GADL1: variants seen among roughly 807,000 people sequenced by gnomAD.
GADL1 encodes GAD like acidic amino acid decarboxylase 1, also known as acidic amino acid decarboxylase GADL1.
A neutral mutation model predicts 69.5 loss-of-function variants in GADL1; 71 were observed. The observed-to-expected ratio is 1.02, with a 90% CI of 0.84 to 1.25. The LOEUF is 1.25. GADL1 is among the 50% of genes most tolerant of loss of function. The pLI is 0.00. For synonymous variants in GADL1, 254 were observed against 214.4 expected (o/e 1.18, Z -1.62); for missense variants, 737 against 631.8 (o/e 1.17, Z -1.79).
rs1696789325 is a variant in GADL1 at position 30,786,365 on chromosome 3, A to G, written c.1292T>C (p.Leu431Ser). Residue 431 changes from leucine (L) to serine (S), a missense_variant, in exon 13 of 15, where the codon TTA (leucine) becomes TCA (serine). Transcript: ENST00000282538. Reference sequence around the variant, plus strand: ...TATGCAATCACTTACTTCCATCAGTAACTTGAATCCTTCTCTTTTCTTGAT... The same window carrying G: ...TATGCAATCACTTACTTCCATCAGTGACTTGAATCCTTCTCTTTTCTTGAT... ...DEIKKREGFK[L>S]LMEPEYANIC... 2 of 1,561,160 alleles carry G rather than the reference A, an allele frequency of 1.3e-6. No homozygotes were observed. The highest frequency in any genetic ancestry group is 1.8e-6 in the Non-Finnish European group (2 of 1,133,084).
At chr3:30,803,132 T>G (rs1575212838) in intron 11 of GADL1, among the ~76,000 whole-genome samples, 2 of 152,310 alleles carry the variant, frequency 1.3e-5, no homozygotes, top group South Asian at 4.1e-4. Context: ...GCCTTCAGCC[T>G]GGTTCTGATG....
intron 3 of GADL1, among the ~76,000 whole-genome samples, chr3:30,856,576 T>C (rs1218206134): frequency 6.6e-6 from 1 of 152,094 alleles, no homozygotes; most frequent in East Asian, 1.9e-4. Context: ...ATCAGTGTCT[T>C]CCAAATAAAT....
At chr3:30,793,598 G>A (rs549386249) in intron 12 of GADL1, among the ~76,000 whole-genome samples, 37 of 152,244 alleles carry the variant, frequency 2.4e-4, no homozygotes, top group African/African-American at 7.5e-4. Context: ...CTACTGTGGG[G>A]TAAGAACATA....
intron 1 of GADL1, among the ~76,000 whole-genome samples, chr3:30,884,266 G>A (rs1003632403): frequency 2.0e-5 from 3 of 151,992 alleles, no homozygotes; most frequent in Non-Finnish European, 2.9e-5. Context: ...GCTGGGGAAG[G>A]AAGATGCCTT....
At chr3:30,888,207 A>G (rs1207029458) in intron 1 of GADL1, among the ~76,000 whole-genome samples, 1 of 152,186 alleles carries the variant, frequency 6.6e-6, no homozygotes, top group Non-Finnish European at 1.5e-5. Context: ...GGCCAACTGT[A>G]CTATCAAAAT....
intron 1 of GADL1, among the ~76,000 whole-genome samples, chr3:30,880,265 T>C (rs1053170364): frequency 1.3e-5 from 2 of 151,924 alleles, no homozygotes; most frequent in Non-Finnish European, 2.9e-5. Flanking sequence ...CTAGAGATGA[T>C]TTACGTATAC....
intron 14 of GADL1, among the ~76,000 whole-genome samples, chr3:30,728,836 C>T (rs1695410367): frequency 2.0e-5 from 3 of 152,074 alleles, no homozygotes; most frequent in Admixed American, 2.0e-4. Context: ...AACTAAAAAA[C>T]ACCCCAGTTC....
intron 3 of GADL1, 123 bp downstream of exon 3, chr3:30,856,892 A>T (rs1698237333): frequency 2.7e-6 from 2 of 746,264 alleles, no homozygotes; most frequent in African/African-American, 3.6e-5. Flanking sequence ...AAACATCAGA[A>T]CTACTAATTT....
At chr3:30,775,527 G>GA (rs1234560839) in intron 14 of GADL1, among the ~76,000 whole-genome samples, 3 of 152,054 alleles carry the variant, frequency 2.0e-5, no homozygotes, top group Non-Finnish European at 4.4e-5. Flanking sequence ...AGAATGATAG[G>GA]AAATTAAGAA....
chr3:30,769,776 G>GTC (rs1696375446), intron 14 of GADL1, among the ~76,000 whole-genome samples: 1 of 152,170 alleles, frequency 6.6e-6, no homozygotes, highest in Non-Finnish European at 1.5e-5. Flanking sequence ...CTGACAGTAT[G>GTC]AGACCGTTAT....
chr3:30,891,416 T>C (rs1164517831), intron 1 of GADL1, among the ~76,000 whole-genome samples: 1 of 152,104 alleles, frequency 6.6e-6, no homozygotes, highest in African/African-American at 2.4e-5. Context: ...GCTACTGTCA[T>C]TTCAAGGAAC....
intron 14 of GADL1, among the ~76,000 whole-genome samples, chr3:30,760,885 G>T (rs1696110397): frequency 6.6e-6 from 1 of 152,130 alleles, no homozygotes; most frequent in African/African-American, 2.4e-5. Context: ...TGGTAGAAAG[G>T]AAAGGACATA....
intron 11 of GADL1, among the ~76,000 whole-genome samples, chr3:30,827,629 G>A (rs1416886126): frequency 6.6e-6 from 1 of 151,840 alleles, no homozygotes; most frequent in African/African-American, 2.4e-5. Flanking sequence ...AAATGACAGA[G>A]GTGTTTGTGA....
intron 1 of GADL1, among the ~76,000 whole-genome samples, chr3:30,885,501 C>T (rs1698691321): frequency 1.3e-5 from 2 of 151,978 alleles, no homozygotes; most frequent in African/African-American, 4.8e-5. Context: ...GTTTTGTTTT[C>T]TTTTTGACAG....
intron 12 of GADL1, among the ~76,000 whole-genome samples, chr3:30,793,132 A>G (rs1696956920): frequency 6.6e-6 from 1 of 152,130 alleles, no homozygotes; most frequent in Admixed American, 6.6e-5. Context: ...CCATGGAACT[A>G]TTTTTTGAGG....
intron 4 of GADL1, among the ~76,000 whole-genome samples, chr3:30,851,177 C>T (rs376013858): frequency 2.0e-5 from 3 of 152,222 alleles, no homozygotes; most frequent in East Asian, 1.9e-4. Flanking sequence ...AGCAGTCTTT[C>T]GAGAAAAACC....
intron 12 of GADL1, among the ~76,000 whole-genome samples, chr3:30,788,187 T>A (rs941317403): frequency 6.6e-6 from 1 of 152,176 alleles, no homozygotes; most frequent in African/African-American, 2.4e-5. Flanking sequence ...GCTCAACAGA[T>A]ATCAGAAAAG....
chr3:30,792,429 C>T (rs1312087018), intron 12 of GADL1, among the ~76,000 whole-genome samples: 3 of 152,088 alleles, frequency 2.0e-5, no homozygotes, highest in African/African-American at 4.8e-5. Flanking sequence ...AAAAATTAGC[C>T]GGGTGTAGAA....
chr3:30,876,561 A>T (rs1391492986), intron 1 of GADL1, among the ~76,000 whole-genome samples: 1 of 151,960 alleles, frequency 6.6e-6, no homozygotes, highest in Non-Finnish European at 1.5e-5. Context: ...AAAGTTCATC[A>T]ATTGAAAAAA....
Sources: gnomAD v4.1 joint callset for allele counts (sites outside exome capture counted in the v4.1 genomes callset) on GRCh38, gnomAD v4.1.1 for gene constraint, MANE v1.5 for transcripts, NCBI Gene and HGNC (gene_info 2026-07-23, HGNC 2026-07-21) for gene names.